TUBB8: variants seen among roughly 807,000 people sequenced by gnomAD.
The protein encoded by TUBB8 is tubulin beta-8 chain.
Under a neutral mutation model 33.7 loss-of-function variants are expected in TUBB8, and 25 were observed. The ratio of observed to expected loss-of-function variants is 0.74; its 90% CI spans 0.54 to 1.04. The LOEUF is 1.04. Ranked by LOEUF, TUBB8 falls within the 50% of genes least tolerant of loss-of-function variation. The pLI is 0.00. For synonymous variants in TUBB8, 245 were observed against 240.1 expected, an observed-to-expected ratio of 1.02 and a Z score of -0.19; for missense variants, 279 against 608.0, an observed-to-expected ratio of 0.46 and a Z score of 5.69.
intron 1 of TUBB8, among the ~76,000 whole-genome samples, chr10:60,696 T>C (rs1324202302): frequency 6.6e-6 from 1 of 152,154 alleles, no homozygotes; most frequent in Non-Finnish European, 1.5e-5. Context: ...GAACTAGAAA[T>C]ACCATTTGAC....
chr10:54,992 G>A (rs1194811012), intron 1 of TUBB8, among the ~76,000 whole-genome samples: 2 of 152,118 alleles, frequency 1.3e-5, no homozygotes, highest in Admixed American at 1.3e-4. Flanking sequence ...TCCTGACCTC[G>A]TGATCCACCC....
At chr10:72,342 T>C (rs1396599263) in intron 1 of TUBB8, among the ~76,000 whole-genome samples, 1 of 151,166 alleles carries the variant, frequency 6.6e-6, no homozygotes, top group Non-Finnish European at 1.5e-5. Context: ...GTGGATCACT[T>C]GAGGTCAGGA....
chr10:65,680 G>A (rs576844557), intron 1 of TUBB8, among the ~76,000 whole-genome samples: 27 of 152,328 alleles, frequency 1.8e-4, no homozygotes, highest in African/African-American at 3.6e-4. Context: ...AGCCGAGATC[G>A]TGCCACTGCA....
intron 1 of TUBB8, among the ~76,000 whole-genome samples, chr10:59,350 G>A (rs1423408254): frequency 9.2e-5 from 14 of 152,020 alleles, no homozygotes; most frequent in Middle Eastern, 3.2e-3. Context: ...CACTGCACCC[G>A]GCTAATTTTT....
chr10:60,529 A>G (rs1476125621), intron 1 of TUBB8, among the ~76,000 whole-genome samples: 1 of 152,212 alleles, frequency 6.6e-6, no homozygotes, highest in Non-Finnish European at 1.5e-5. Flanking sequence ...ACAATGAGAT[A>G]CATCTCACAC....
At chr10:48,591 C>A (rs1469735100) in intron 3 of TUBB8, 24 bp downstream of exon 3, 1 of 1,593,548 alleles carries the variant, frequency 6.3e-7, no homozygotes, top group Non-Finnish European at 8.6e-7. Context: ...AGGAGCCGCA[C>A]CCCAGTCCTC....
chr10:73,507 C>G (rs1466224441), intron 1 of TUBB8, among the ~76,000 whole-genome samples: 1 of 152,176 alleles, frequency 6.6e-6, no homozygotes, highest in Non-Finnish European at 1.5e-5. Flanking sequence ...GCCGGGCGTG[C>G]TGGCGCATGC....
At chr10:73,229 T>C (rs1406660500) in intron 1 of TUBB8, among the ~76,000 whole-genome samples, 7 of 152,286 alleles carry the variant, frequency 4.6e-5, no homozygotes, top group Admixed American at 3.9e-4. Context: ...TTTTTGTTTT[T>C]TGAGACAAGG....
intron 1 of TUBB8, among the ~76,000 whole-genome samples, chr10:55,366 A>G (rs575851146): frequency 6.6e-6 from 1 of 152,332 alleles, no homozygotes; most frequent in Admixed American, 6.5e-5. Flanking sequence ...GTGGGGACAC[A>G]AAGGCTAACC....
intron 1 of TUBB8, among the ~76,000 whole-genome samples, chr10:64,404 A>AC (rs1243608003): frequency 6.6e-6 from 1 of 150,940 alleles, no homozygotes; most frequent in African/African-American, 2.4e-5. Context: ...CTAACCACTG[A>AC]CCCCAACCCT....
Position 48,872 on chromosome 10 carries a change from G to A in TUBB8, c.98C>T (p.Ala33Val), listed in dbSNP as rs782471513. ...VISDEHAIDS[A>V]GTYHGDSHLQ... ...GTGGCTGTCCCCGTGGTAGGTGCCA[G>A]CGGAGTCGATGGCATGTTCATCAGA... Residue 33 changes from alanine (A) to valine (V), a missense_variant, in exon 2 of 4, where the codon GCT becomes GTT. By Grantham distance (64) the Ala-to-Val change is moderately conservative (BLOSUM62 0). This residue lies in a region of TUBB8 where 56 missense variants were observed against 77.9 expected (regional missense o/e 0.72). Transcript: ENST00000568584. 3 of 1,578,880 alleles carry A rather than the reference G, an allele frequency of 1.9e-6. No individual in the cohort carries two copies. Among genetic ancestry groups the A allele is most frequent in the African/African-American group, 1.3e-5 (1 of 74,156 alleles).
At chr10:67,187 G>T in intron 1 of TUBB8, among the ~76,000 whole-genome samples, 1 of 144,964 alleles carries the variant, frequency 6.9e-6, no homozygotes, top group African/African-American at 2.5e-5. Flanking sequence ...TGGCTATTCT[G>T]CATCCCTTGA....
At chr10:58,238 C>A (rs11525299) in intron 1 of TUBB8, among the ~76,000 whole-genome samples, 7,512 of 152,244 alleles carry the variant, frequency 0.049, 107 homozygotes, top group African/African-American at 0.095. Context: ...AGATCACTAT[C>A]AGCATTTTGG....
At chr10:73,283 G>A (rs1228938320) in intron 1 of TUBB8, among the ~76,000 whole-genome samples, 2 of 152,218 alleles carry the variant, frequency 1.3e-5, no homozygotes, top group African/African-American at 4.8e-5. Flanking sequence ...GCGTGAGCAT[G>A]ATAATGTGCC....
intron 1 of TUBB8, among the ~76,000 whole-genome samples, chr10:62,811 G>C (rs1834620512): frequency 2.6e-5 from 4 of 152,160 alleles, no homozygotes; most frequent in Admixed American, 2.6e-4. Flanking sequence ...AATATGTCAT[G>C]CCACTCTCTC....
At chr10:62,734 A>G (rs1252184982) in intron 1 of TUBB8, among the ~76,000 whole-genome samples, 10 of 152,342 alleles carry the variant, frequency 6.6e-5, no homozygotes, top group African/African-American at 2.2e-4. Context: ...TTCTCTGTCA[A>G]GTTTAAAGGA....
chr10:53,921 C>A (rs1834499032), upstream of TUBB8, among the ~76,000 whole-genome samples: 1 of 152,284 alleles, frequency 6.6e-6, no homozygotes, highest in Non-Finnish European at 1.5e-5. Flanking sequence ...TTTGTGGGTA[C>A]ATAGTTGGTG....
At chr10:51,171 G>T (rs748323511), upstream of TUBB8, among the ~76,000 whole-genome samples, 1 of 152,148 alleles carries the variant, frequency 6.6e-6, no homozygotes, top group Non-Finnish European at 1.5e-5. Context: ...GTCTTGCTCT[G>T]TTGCTCAGGC....
chr10:73,506 G>C (rs1206689696), intron 1 of TUBB8, among the ~76,000 whole-genome samples: 3 of 152,238 alleles, frequency 2.0e-5, no homozygotes, highest in Non-Finnish European at 2.9e-5. Flanking sequence ...AGCCGGGCGT[G>C]CTGGCGCATG....
Sources: allele counts gnomAD v4.1 joint callset (sites outside exome capture counted in the v4.1 genomes callset), GRCh38; gene constraint gnomAD v4.1.1; regional missense constraint gnomAD v4.1.1; transcripts MANE v1.5; gene names NCBI Gene and HGNC (gene_info 2026-07-23, HGNC 2026-07-21).